MEGF9: variants seen among roughly 807,000 people sequenced by gnomAD.
MEGF9 encodes multiple epidermal growth factor-like domains protein 9.
Under a neutral mutation model 46.8 loss-of-function variants are expected in MEGF9, and 6 were observed. The ratio of observed to expected loss-of-function variants is 0.13; its 90% CI spans 0.07 to 0.25. MEGF9 has a LOEUF of 0.25. Among genes scored for constraint, MEGF9 ranks in the 10% least tolerant of loss-of-function variants. The pLI is 1.00. For synonymous variants in MEGF9, 302 were observed against 330.7 expected (o/e 0.91, Z 0.94); for missense variants, 683 against 792.4 (o/e 0.86, Z 1.66).
At chr9:120,625,526 T>A (rs2043520066) in intron 2 of MEGF9, among the ~76,000 whole-genome samples, 1 of 150,270 alleles carries the variant, frequency 6.7e-6, no homozygotes, top group South Asian at 2.1e-4. Context: ...ACAGGGAGAC[T>A]CTGTCTCTTA....
At chr9:120,704,532 T>C (rs2043919898) in intron 1 of MEGF9, among the ~76,000 whole-genome samples, 1 of 152,174 alleles carries the variant, frequency 6.6e-6, no homozygotes, top group Non-Finnish European at 1.5e-5. Context: ...CATATAAATA[T>C]GGGCAGCTAA....
At chr9:120,690,761 GTA>G (rs1193357536) in intron 1 of MEGF9, among the ~76,000 whole-genome samples, 1 of 152,110 alleles carries the variant, frequency 6.6e-6, no homozygotes, top group Non-Finnish European at 1.5e-5. Flanking sequence ...AATTTCCTCT[GTA>G]TTATCCCTAA....
chr9:120,639,705 A>C (rs1170486554), intron 2 of MEGF9, among the ~76,000 whole-genome samples: 1 of 152,172 alleles, frequency 6.6e-6, no homozygotes, highest in East Asian at 1.9e-4. Flanking sequence ...GCACATATAT[A>C]GAACAGTGCC....
At chr9:120,628,468 GTTTTTT>G (rs1170322238) in intron 2 of MEGF9, among the ~76,000 whole-genome samples, 2 of 69,032 alleles carry the variant, frequency 2.9e-5, no homozygotes, top group South Asian at 5.9e-4. Flanking sequence ...TCTTGTCGTT[GTTTTTT>G]TTTTTTTTTT....
intron 2 of MEGF9, among the ~76,000 whole-genome samples, chr9:120,635,829 C>A (rs951832243): frequency 6.6e-6 from 1 of 152,124 alleles, no homozygotes; most frequent in African/African-American, 2.4e-5. Context: ...CCTTTTCATG[C>A]AGGTCTGCCA....
intron 1 of MEGF9, among the ~76,000 whole-genome samples, chr9:120,663,269 C>T (rs971390774): frequency 2.6e-5 from 4 of 152,164 alleles, no homozygotes; most frequent in Non-Finnish European, 5.9e-5. Context: ...GTCCCAGTGA[C>T]TGACCTTAAA....
intron 4 of MEGF9, among the ~76,000 whole-genome samples, chr9:120,610,186 AT>A (rs2043439081): frequency 1.3e-5 from 2 of 152,200 alleles, no homozygotes; most frequent in Non-Finnish European, 2.9e-5. Flanking sequence ...AAACAATAAT[AT>A]GCAGGAAAAA....
chr9:120,647,776 T>C lies in MEGF9; in HGVS notation c.803+11598A>G, dbSNP rs149813988. Among the ~76,000 whole-genome samples, 11 of 152,314 alleles carry C rather than the reference T, an allele frequency of 7.2e-5. 1 individual carries two copies. In the East Asian group the frequency reaches 1.7e-3, roughly 24 times the overall value. ...CAGACATCTCTACCTGAATATCCCATAGTCACTTCAAAATCAACATTTTTG... is the reference window on the plus strand; with the variant it reads ...CAGACATCTCTACCTGAATATCCCACAGTCACTTCAAAATCAACATTTTTG... On this transcript the variant is annotated intron_variant, in intron 2 of 5. Coordinates refer to ENST00000373930, the MANE Select transcript of MEGF9 (RefSeq NM_001080497.3).
At chr9:120,609,548 T>C (rs2043435200) in intron 4 of MEGF9, among the ~76,000 whole-genome samples, 1 of 152,202 alleles carries the variant, frequency 6.6e-6, no homozygotes, top group Non-Finnish European at 1.5e-5. Flanking sequence ...GCCTAAAACA[T>C]AGCACGTGTT....
chr9:120,695,807 T>C (rs2132340691), intron 1 of MEGF9, among the ~76,000 whole-genome samples: 1 of 152,252 alleles, frequency 6.6e-6, no homozygotes, highest in East Asian at 1.9e-4. Flanking sequence ...TCCCTTCCTA[T>C]TTGGAGGAAT....
At chr9:120,683,218 G>A (rs1025610126) in intron 1 of MEGF9, among the ~76,000 whole-genome samples, 1 of 152,142 alleles carries the variant, frequency 6.6e-6, no homozygotes, top group South Asian at 2.1e-4. Context: ...ATCCTAGGCC[G>A]ACTGAATAGA....
chr9:120,621,038 G>GA (rs1461348143), intron 3 of MEGF9, among the ~76,000 whole-genome samples: 1 of 151,662 alleles, frequency 6.6e-6, no homozygotes, highest in African/African-American at 2.4e-5. Context: ...GTTTGTTTGG[G>GA]AAAAAAAATG....
chr9:120,643,795 C>T (rs563133491), intron 2 of MEGF9, among the ~76,000 whole-genome samples: 12 of 151,634 alleles, frequency 7.9e-5, no homozygotes, highest in East Asian at 3.9e-4. Flanking sequence ...CCTGGGCTCA[C>T]GCGATCCTCC....
At chr9:120,631,743 C>G (rs1438133726) in intron 2 of MEGF9, among the ~76,000 whole-genome samples, 3 of 152,140 alleles carry the variant, frequency 2.0e-5, no homozygotes, top group Non-Finnish European at 4.4e-5. Flanking sequence ...TCTCAGCCTC[C>G]CAAAGTGCTG....
chr9:120,668,605 G>A (rs954671774), intron 1 of MEGF9, among the ~76,000 whole-genome samples: 2 of 152,140 alleles, frequency 1.3e-5, no homozygotes, highest in African/African-American at 2.4e-5. Context: ...ACAATTCAGA[G>A]ATAATTCATC....
In MEGF9 at chr9:120,703,768, G is replaced by A. The variant is rs181362654; in HGVS notation, c.601+9990C>T. ...CGGGTGGATCACCTAAGGTCAGGAG[G>A]TTGAGACCAGCCTAACCAATATGGT... On this transcript the variant is annotated intron_variant, in intron 1 of 5. Coordinates refer to ENST00000373930, the MANE Select transcript of MEGF9 (RefSeq NM_001080497.3). Among the ~76,000 whole-genome samples the A allele has an allele frequency of 2.5e-3, 375 of 151,010 alleles. 1 individual carries two copies. The highest frequency in any genetic ancestry group is 3.6e-3 in the Middle Eastern group (1 of 280).
In MEGF9 at chr9:120,714,351, CCATT is replaced by C. The variant is rs1382190641; in HGVS notation, c.4_7del (p.Asn2AlafsTer7). ...GCTCCTCATGGCGCGCTCGGCTCCG[CCATT>C]CATTCATTCAGCCAGTCGGTTGGTC... On this transcript the variant is annotated frameshift_variant, in exon 1 of 6. Coordinates refer to ENST00000373930, the MANE Select transcript of MEGF9 (RefSeq NM_001080497.3). LOFTEE classifies it high-confidence loss of function. The C allele has an allele frequency of 3.1e-5, 42 of 1,340,336 alleles. No individual in the cohort carries two copies. The highest frequency in any genetic ancestry group is 1.8e-4 in the South Asian group (10 of 54,538). 83.0% of individuals were successfully genotyped at this position (1,340,336 alleles called of 1,614,324 possible).
chr9:120,682,205 C>A (rs546701281), intron 1 of MEGF9, among the ~76,000 whole-genome samples: 9 of 152,188 alleles, frequency 5.9e-5, no homozygotes, highest in African/African-American at 2.2e-4. Context: ...TCAAAATACC[C>A]AAAATAATTC....
intron 1 of MEGF9, among the ~76,000 whole-genome samples, chr9:120,704,890 T>C (rs986327193): frequency 6.6e-6 from 1 of 152,234 alleles, no homozygotes; most frequent in Non-Finnish European, 1.5e-5. Context: ...AAATTAATTA[T>C]ATACTGGTAT....
Sources: gnomAD v4.1 joint callset for allele counts (sites outside exome capture counted in the v4.1 genomes callset) on GRCh38, gnomAD v4.1.1 for gene constraint, MANE v1.5 for transcripts, NCBI Gene and HGNC (gene_info 2026-07-23, HGNC 2026-07-21) for gene names.